MED12L: variants seen among roughly 807,000 people sequenced by gnomAD.
MED12L encodes mediator of RNA polymerase II transcription subunit 12-like protein.
Under a neutral mutation model 281.3 loss-of-function variants are expected in MED12L, and 60 were observed. The ratio of observed to expected loss-of-function variants is 0.21; its 90% CI spans 0.17 to 0.26. The LOEUF is 0.26. Ranked by LOEUF, MED12L falls within the 10% of genes least tolerant of loss-of-function variation. The probability of loss-of-function intolerance (pLI) is 1.00; values close to 1 mark genes in which losing one functional copy is unlikely to be tolerated. For synonymous variants in MED12L, 974 were observed against 987.2 expected (o/e 0.99, Z 0.25); for missense variants, 2,146 against 2,680.9 (o/e 0.80, Z 4.41).
At chr3:151,101,897 A>G (rs1445295066) in intron 2 of MED12L, among the ~76,000 whole-genome samples, 1 of 152,216 alleles carries the variant, frequency 6.6e-6, no homozygotes, top group Non-Finnish European at 1.5e-5. Context: ...AAGAATTGGC[A>G]GTTGGTGACA....
chr3:151,389,485 G>T (rs992497878), intron 37 of MED12L, among the ~76,000 whole-genome samples: 2 of 152,162 alleles, frequency 1.3e-5, no homozygotes, highest in Non-Finnish European at 2.9e-5. Context: ...GGAAGCATGG[G>T]GGATGAGGGG....
intron 16 of MED12L, among the ~76,000 whole-genome samples, chr3:151,257,629 C>T (rs940999201): frequency 3.3e-5 from 5 of 152,186 alleles, no homozygotes; most frequent in South Asian, 2.1e-4. Flanking sequence ...AGTATTATTT[C>T]GTATATGGAG....
At chr3:151,379,183 C>A (rs1241938615) in intron 31 of MED12L, among the ~76,000 whole-genome samples, 1 of 152,196 alleles carries the variant, frequency 6.6e-6, no homozygotes, top group Non-Finnish European at 1.5e-5. Context: ...AACAAGGAAG[C>A]ATAATTCTAA....
chr3:151,187,791 T>C (rs1723469184), intron 12 of MED12L, among the ~76,000 whole-genome samples: 1 of 152,224 alleles, frequency 6.6e-6, no homozygotes, highest in Non-Finnish European at 1.5e-5. Context: ...TTTGATACCA[T>C]GTTTCTCCAA....
intron 2 of MED12L, among the ~76,000 whole-genome samples, chr3:151,105,179 T>C (rs1325112247): frequency 1.3e-5 from 2 of 152,190 alleles, no homozygotes; most frequent in East Asian, 1.9e-4. Context: ...CATTCCCTCC[T>C]GTTTTCTCAG....
Position 151,356,554 on chromosome 3 carries a change from A to G in MED12L, c.2661+515A>G, listed in dbSNP as rs969547571. On this transcript the variant is annotated intron_variant, in intron 19 of 44. Coordinates refer to ENST00000687756, the MANE Select transcript of MED12L (RefSeq NM_001393769.1). ...TTTAAAGTTGTGTTCATAGTTTTCA[A>G]TTAAATAATTATCATTGGTGCCAAA... Among the ~76,000 whole-genome samples, 106 of 152,328 alleles carry G rather than the reference A, an allele frequency of 7.0e-4. 1 individual carries two copies. The highest frequency in any genetic ancestry group is 2.5e-3 in the African/African-American group (104 of 41,584).
In MED12L at chr3:151,226,013, C is replaced by T. The variant is rs184626298; in HGVS notation, c.2250+32347C>T. Among the ~76,000 whole-genome samples, 267 of 152,306 alleles carry T rather than the reference C, an allele frequency of 1.8e-3. 2 individuals are homozygous for T. Among genetic ancestry groups the T allele is most frequent in the African/African-American group, 6.0e-3 (251 of 41,570 alleles). On this transcript the variant is annotated intron_variant, in intron 16 of 44. Transcript: ENST00000687756. Reference sequence around the variant, plus strand: ...TTTGTTCATTTGCTCACTATAAAGCCGTCAGAACATGCTGCCATGCCCTAT... The same window carrying T: ...TTTGTTCATTTGCTCACTATAAAGCTGTCAGAACATGCTGCCATGCCCTAT...
At chr3:151,421,651 C>T (rs1718259847) in intron 43 of MED12L, among the ~76,000 whole-genome samples, 1 of 152,152 alleles carries the variant, frequency 6.6e-6, no homozygotes, top group Non-Finnish European at 1.5e-5. Flanking sequence ...TCAAGTGATC[C>T]ACCTGCCTGG....
At chr3:151,231,672 C>T (rs935938229) in intron 16 of MED12L, among the ~76,000 whole-genome samples, 7 of 152,104 alleles carry the variant, frequency 4.6e-5, no homozygotes, top group African/African-American at 1.2e-4. Flanking sequence ...GAAATAACAC[C>T]GTTAATGAGT....
In MED12L at chr3:151,368,140, C is replaced by G. The variant is rs1466070545; in HGVS notation, c.3449-10C>G. The G allele has an allele frequency of 1.9e-6, 3 of 1,612,124 alleles. No homozygotes were observed. The highest frequency in any genetic ancestry group is 2.5e-6 in the Non-Finnish European group (3 of 1,178,326). On this transcript the variant is annotated splice_polypyrimidine_tract_variant and intron_variant, in intron 24 of 44. Coordinates refer to ENST00000687756, the MANE Select transcript of MED12L (RefSeq NM_001393769.1). ...TTAGAAAACTTGCTTTTCCAATCCC[C>G]CTTTCCTAGCTTGTGGGGATGCGGA...
intron 16 of MED12L, among the ~76,000 whole-genome samples, chr3:151,262,990 T>C (rs954506283): frequency 1.8e-4 from 27 of 152,268 alleles, no homozygotes; most frequent in Admixed American, 9.8e-4. Flanking sequence ...CATCTTAACA[T>C]GTACCCTCTG....
Position 151,384,095 on chromosome 3 carries a change from A to G in MED12L, c.4803A>G (p.Thr1601=). The G allele has an allele frequency of 2.5e-6, 4 of 1,613,604 alleles. No individual in the cohort carries two copies. Among genetic ancestry groups the G allele is most frequent in the Non-Finnish European group, 3.4e-6 (4 of 1,179,818 alleles). The change falls in exon 35 of 45, where the codon ACA becomes ACG. Residue 1601 remains threonine, a synonymous_variant. Transcript: ENST00000687756. The part of the protein sequence containing the change: ...VDMHTNNELF[T]TVLDMLGVLI... ...TTTTCTTTCTTAGTGAATTATTCAC[A>G]ACAGTTCTTGACATGCTGGGTGTTT...
intron 16 of MED12L, among the ~76,000 whole-genome samples, chr3:151,349,030 AAT>A (rs1378987472): frequency 5.9e-5 from 9 of 152,248 alleles, no homozygotes; most frequent in African/African-American, 2.2e-4. Flanking sequence ...CATGGGCAAA[AAT>A]ATACATAGAG....
chr3:151,258,721 G>T (rs1243727245), intron 16 of MED12L, among the ~76,000 whole-genome samples: 3 of 152,076 alleles, frequency 2.0e-5, no homozygotes, highest in Non-Finnish European at 1.5e-5. Flanking sequence ...GTGTGGTGGT[G>T]CATGCCTGTA....
intron 16 of MED12L, among the ~76,000 whole-genome samples, chr3:151,225,500 C>T (rs1220767629): frequency 2.6e-5 from 4 of 152,130 alleles, no homozygotes; most frequent in African/African-American, 9.7e-5. Flanking sequence ...AATTTGCTCA[C>T]GAGGCCTTTG....
intron 16 of MED12L, among the ~76,000 whole-genome samples, chr3:151,321,068 A>C (rs1748942265): frequency 6.6e-6 from 1 of 152,210 alleles, no homozygotes; most frequent in Non-Finnish European, 1.5e-5. Flanking sequence ...AAGGGAGAGC[A>C]AGCGAATGAA....
intron 2 of MED12L, among the ~76,000 whole-genome samples, chr3:151,090,823 T>C (rs1038909669): frequency 2.0e-5 from 3 of 152,154 alleles, no homozygotes; most frequent in Admixed American, 6.5e-5. Context: ...GTGGATCACC[T>C]GAGGTCAGGA....
At chr3:151,314,915 G>T (rs1318255424) in intron 16 of MED12L, among the ~76,000 whole-genome samples, 3 of 152,178 alleles carry the variant, frequency 2.0e-5, no homozygotes, top group African/African-American at 7.2e-5. Flanking sequence ...GGTACAATCA[G>T]CCCTTAAACC....
intron 16 of MED12L, chr3:151,294,570 A>G: frequency 6.2e-7 from 1 of 1,614,196 alleles, no homozygotes; most frequent in Non-Finnish European, 8.5e-7. Flanking sequence ...ATGGCTATGT[A>G]ACATCCGATC....
Sources: gnomAD v4.1 joint callset for allele counts (sites outside exome capture counted in the v4.1 genomes callset) on GRCh38, gnomAD v4.1.1 for gene constraint, MANE v1.5 for transcripts, NCBI Gene and HGNC (gene_info 2026-07-23, HGNC 2026-07-21) for gene names.